The following RPLP1 variants were observed in gnomAD, a reference collection of about 807,000 sequenced individuals.
The protein encoded by RPLP1 is ribosomal protein lateral stalk subunit P1.
RPLP1 carries 4 observed loss-of-function variants against 11.6 expected under a neutral mutation model. That is an observed-to-expected ratio of 0.34 (90% CI 0.17 to 0.79). The LOEUF is 0.79. RPLP1 is among the 30% of genes least tolerant of loss of function. The pLI is 0.55. For synonymous variants in RPLP1, 54 were observed against 52.2 expected, an observed-to-expected ratio of 1.03 and a Z score of -0.15; for missense variants, 133 against 142.8, an observed-to-expected ratio of 0.93 and a Z score of 0.35.
rs576544725 is a variant in RPLP1 at position 69,455,414 on chromosome 15, CT to C, written c.266-5del. 7.9e-5 allele frequency: 125 copies of C among 1,589,914 alleles called. No individual in the cohort carries two copies. Among genetic ancestry groups the C allele is most frequent in the Middle Eastern group, 6.8e-4 (4 of 5,888 alleles). On this transcript the variant is annotated splice_polypyrimidine_tract_variant and intron_variant, in intron 3 of 3. Transcript: ENST00000260379. The stretch of plus-strand genomic sequence containing the variant: ...TATGGAAATCCTAACACCTGATTGA[CT>C]TTTTTTTTCTAGCTGAGGAGAAGAA...
Position 69,455,262 on chromosome 15 carries a change from T to C in RPLP1, c.240T>C (p.Pro80=). 1.9e-6 allele frequency: 3 copies of C among 1,578,518 alleles called. No homozygotes were observed. Among genetic ancestry groups the C allele is most frequent in the Non-Finnish European group, 2.6e-6 (3 of 1,163,872 alleles). The change falls in exon 3 of 4, where the codon CCT becomes CCC. Residue 80 remains proline (P), a synonymous_variant. Transcript: ENST00000260379. The stretch of plus-strand genomic sequence containing the variant: ...CTGGTGCTGCACCAGCAGGAGGTCC[T>C]GCCCCCTCCACTGCTGCTGCTCCAG... The part of the protein sequence containing the change: ...PAAGAAPAGG[P]APSTAAAPAE...
chr15:69,453,877 G>C, intron 2 of RPLP1, 156 bp downstream of exon 2: 1 of 668,280 alleles, frequency 1.5e-6, no homozygotes, highest in South Asian at 1.9e-5. Context: ...GAGCTAATAA[G>C]ATTTCAGCTT....
rs1029823823 is a variant in RPLP1, at chr15:69,455,239, G to A, written c.217G>A (p.Gly73Ser). The A allele has an allele frequency of 4.4e-6, 7 of 1,603,942 alleles. No homozygotes were observed. The highest frequency in any genetic ancestry group is 6.0e-6 in the Non-Finnish European group (7 of 1,175,174). ...VGAGGPAPAAGAAPAGGPAPS... is the reference protein window; with the variant it reads ...VGAGGPAPAASAAPAGGPAPS... ...GGCCGGTGGACCTGCTCCAGCAGCTGGTGCTGCACCAGCAGGAGGTCCTGC... is the reference window on the plus strand; with the variant it reads ...GGCCGGTGGACCTGCTCCAGCAGCTAGTGCTGCACCAGCAGGAGGTCCTGC... The change falls in exon 3 of 4, where the codon GGT becomes AGT. Residue 73 changes from glycine (G) to serine (S), a missense_variant. Transcript: ENST00000260379.
In RPLP1 at chr15:69,453,790, A is replaced by C. The variant is rs1430567238; in HGVS notation, c.147+69A>C. On this transcript the variant is annotated intron_variant, in intron 2 of 3. Transcript: ENST00000260379. ...TTACGAGGGCAGTTGTACATGCTAA[A>C]GTACCCCCAGCGGTGCCATAACGCC... 4 of 1,537,286 alleles carry C rather than the reference A, an allele frequency of 2.6e-6. No individual in the cohort carries two copies. In the Admixed American group the frequency reaches 5.0e-5, roughly 19 times the overall value.
rs758221385 is a variant in RPLP1 at position 69,455,167 on chromosome 15, C to T, written c.148-3C>T. On this transcript the variant is annotated splice_polypyrimidine_tract_variant and splice_region_variant and intron_variant, in intron 2 of 3. Coordinates refer to ENST00000260379, the MANE Select transcript of RPLP1 (RefSeq NM_001003.3). Reference sequence around the variant, plus strand: ...TTTACCTATGCATGCACATGTATTGCAGGCCCTGGCCAACGTCAACATTGG... The same window carrying T: ...TTTACCTATGCATGCACATGTATTGTAGGCCCTGGCCAACGTCAACATTGG... 1.9e-6 allele frequency: 3 copies of T among 1,572,988 alleles called. No homozygotes were observed. Among genetic ancestry groups the T allele is most frequent in the Admixed American group, 4.0e-5 (2 of 50,314 alleles).
At position 69,452,966 on chromosome 15, in the gene RPLP1, G is replaced by C; in HGVS notation, c.18G>C (p.Glu6Asp). Residue 6 changes from glutamate to aspartate, a missense_variant, in exon 1 of 4, where the codon GAG (glutamate) becomes GAC (aspartate). Glu to Asp is a conservative substitution (Grantham distance 45). Transcript: ENST00000260379. Reference protein sequence around the residue: MASVSELACIYSALIL... With the variant: MASVSDLACIYSALIL... ...CCCGCGCCATGGCCTCTGTCTCCGA[G>C]CTCGCCTGCATCTACTCGGCCCTCA... The C allele has an allele frequency of 6.3e-7, 1 of 1,580,580 alleles. No homozygotes were observed. Among genetic ancestry groups the C allele is most frequent in the Non-Finnish European group, 8.6e-7 (1 of 1,165,540 alleles).
chr15:69,453,543 T>G, intron 1 of RPLP1, 104 bp from the exon 2 acceptor site: 25 of 1,242,096 alleles, frequency 2.0e-5, no homozygotes, highest in Non-Finnish European at 2.5e-5. Context: ...ATAGAATATT[T>G]GAGCTGGTTA....
In RPLP1 at chr15:69,456,196, G is replaced by C. The variant is rs1391847037; in HGVS notation, c.*689G>C. The C allele has an allele frequency of 6.6e-6, 1 of 152,196 alleles. No individual in the cohort carries two copies. 9.4% of individuals were successfully genotyped at this position (152,196 alleles called of 1,614,324 possible). A position where few individuals can be genotyped will look rare whatever the true frequency, so the allele number is the denominator to read the frequency against. On this transcript the variant is annotated 3_prime_UTR_variant, in exon 4 of 4. Transcript: ENST00000260379. The stretch of plus-strand genomic sequence containing the variant: ...ATAAACCGTGGGTATTGTGTGTTCA[G>C]AGCAGCTAATGACATGCCAGGCACA...
chr15:69,453,852 C>A, intron 2 of RPLP1, 131 bp downstream of exon 2: 3 of 828,042 alleles, frequency 3.6e-6, no homozygotes, highest in Non-Finnish European at 6.2e-6. Context: ...TTTTTCGTTG[C>A]ATGTATATCT....
chr15:69,455,189 T>C lies in RPLP1; in HGVS notation c.167T>C (p.Ile56Thr), dbSNP rs768966481. The C allele has an allele frequency of 6.3e-6, 10 of 1,597,778 alleles. No homozygotes were observed. The highest frequency in any genetic ancestry group is 1.8e-5 in the Admixed American group (1 of 56,204). Residue 56 changes from isoleucine to threonine, a missense_variant, in exon 3 of 4, where the codon ATT becomes ACT. By Grantham distance (89) the Ile-to-Thr change is moderately conservative. Transcript: ENST00000260379. ...LFAKALANVN[I>T]GSLICNVGAG... ...TTGCAGGCCCTGGCCAACGTCAACA[T>C]TGGGAGCCTCATCTGCAATGTAGGG...
At chr15:69,453,215 T>G in intron 1 of RPLP1, 195 bp downstream of exon 1, 1 of 606,158 alleles carries the variant, frequency 1.6e-6, no homozygotes, top group Non-Finnish European at 2.9e-6. Context: ...CGGGACCACG[T>G]GCGGGCCCAG....
At chr15:69,455,021 G>C in intron 2 of RPLP1, 149 bp from the exon 3 acceptor site, 1 of 1,175,682 alleles carries the variant, frequency 8.5e-7, no homozygotes, top group Non-Finnish European at 1.1e-6. Context: ...TTTTTCCACT[G>C]TTGAATCCAT....
intron 3 of RPLP1, 37 bp downstream of exon 3, chr15:69,455,324 T>C: frequency 1.3e-6 from 2 of 1,539,634 alleles, no homozygotes; most frequent in Non-Finnish European, 1.7e-6. Context: ...GGGAGGAGTG[T>C]AGAGATTTTT....
In RPLP1 at chr15:69,453,577, G is replaced by C. The variant is rs894237670; in HGVS notation, c.73-70G>C. 24 of 1,487,490 alleles carry C rather than the reference G, an allele frequency of 1.6e-5. No individual in the cohort carries two copies. In the South Asian group the frequency reaches 2.6e-4, roughly 16 times the overall value. 92.1% of individuals were successfully genotyped at this position (1,487,490 alleles called of 1,614,324 possible). The stretch of plus-strand genomic sequence containing the variant: ...TAAACATGTTATGTACACTTATTGA[G>C]TGACGTGCAGCATTTTGGAGATATT... On this transcript the variant is annotated intron_variant, in intron 1 of 3. Transcript: ENST00000260379.
chr15:69,453,618 TGATG>T (rs1278212715), intron 1 of RPLP1, 25 bp from the exon 2 acceptor site: 1 of 1,611,826 alleles, frequency 6.2e-7, no homozygotes, highest in African/African-American at 1.3e-5. Context: ...CGCTACGTTT[TGATG>T]GATTGACGTT....
At chr15:69,453,350 C>A in intron 1 of RPLP1, 1 of 576,618 alleles carries the variant, frequency 1.7e-6, no homozygotes, top group Non-Finnish European at 3.1e-6. Flanking sequence ...TTACTCGGAC[C>A]TCTTTCGGTG....
intron 2 of RPLP1, chr15:69,454,963 C>T (rs375249815): frequency 5.4e-6 from 3 of 551,574 alleles, no homozygotes; most frequent in Non-Finnish European, 5.8e-6. Flanking sequence ...AACCTATGCA[C>T]ATCCTCCTGT....
In RPLP1 at chr15:69,453,883, A is replaced by C. The variant is rs79243634; in HGVS notation, c.147+162A>C. On this transcript the variant is annotated intron_variant, in intron 2 of 3. Transcript: ENST00000260379. ...TATCTCTAGGAGCTAATAAGATTTC[A>C]GCTTGTCAAGTCTTACGTTTCCTTA... The C allele has an allele frequency of 3.5e-3, 2,305 of 651,342 alleles. 8 individuals carry two copies. The highest frequency in any genetic ancestry group is 5.0e-3 in the Non-Finnish European group (1,839 of 369,072). 40.3% of individuals were successfully genotyped at this position (651,342 alleles called of 1,614,324 possible). A position where few individuals can be genotyped will look rare whatever the true frequency, so the allele number is the denominator to read the frequency against.
chr15:69,455,362 C>G, intron 3 of RPLP1, 66 bp from the exon 4 acceptor site: 4 of 1,544,700 alleles, frequency 2.6e-6, no homozygotes, highest in African/African-American at 2.8e-5. Context: ...GACAAAATTG[C>G]CATTAATTTT....
Sources: allele counts gnomAD v4.1 joint callset, GRCh38; gene constraint gnomAD v4.1.1; transcripts MANE v1.5; gene names NCBI Gene and HGNC (gene_info 2026-07-23, HGNC 2026-07-21).